The following MACROD2 variants were observed in gnomAD, a reference collection of about 807,000 sequenced individuals.
The protein encoded by MACROD2 is ADP-ribose glycohydrolase MACROD2.
A neutral mutation model predicts 70.4 loss-of-function variants in MACROD2; 36 were observed. The ratio of observed to expected loss-of-function variants is 0.51; its 90% CI spans 0.39 to 0.68. MACROD2 has a LOEUF of 0.68. Among genes scored for constraint, MACROD2 ranks in the 30% least tolerant of loss-of-function variants. The pLI is 0.00. For missense variants in MACROD2, 496 were observed against 538.4 expected, an observed-to-expected ratio of 0.92 and a Z score of 0.78; for synonymous variants, 172 against 178.8, an observed-to-expected ratio of 0.96 and a Z score of 0.30.
At chr20:14,699,278 C>T (rs1197250664) in intron 5 of MACROD2, among the ~76,000 whole-genome samples, 1 of 152,108 alleles carries the variant, frequency 6.6e-6, no homozygotes, top group African/African-American at 2.4e-5. Context: ...TGTGTTATAA[C>T]TGACTTTTCT....
At chr20:14,287,036 C>T (rs1399986301) in intron 3 of MACROD2, among the ~76,000 whole-genome samples, 1 of 152,122 alleles carries the variant, frequency 6.6e-6, no homozygotes, top group Non-Finnish European at 1.5e-5. Context: ...ATCCTGACTG[C>T]ATTGAGTGAT....
intron 5 of MACROD2, among the ~76,000 whole-genome samples, chr20:14,869,289 G>T (rs1401134391): frequency 6.6e-6 from 1 of 152,026 alleles, no homozygotes; most frequent in Non-Finnish European, 1.5e-5. Flanking sequence ...ACATTCTTTT[G>T]TATCCGTTAG....
In MACROD2 at chr20:14,009,606, A is replaced by G. The variant is rs576819574; in HGVS notation, c.163+7202A>G. Among the ~76,000 whole-genome samples the G allele has an allele frequency of 4.6e-5, 7 of 152,344 alleles. No individual in the cohort carries two copies. In the East Asian group the frequency reaches 1.3e-3, roughly 29 times the overall value. On this transcript the variant is annotated intron_variant, in intron 2 of 17. Coordinates refer to ENST00000684519, the MANE Select transcript of MACROD2 (RefSeq NM_001351661.2). The stretch of plus-strand genomic sequence containing the variant: ...AAATACCGTTTGACCCAGCAATCCT[A>G]TTACTGGGTGTATACACCCAAATGA...
intron 3 of MACROD2, among the ~76,000 whole-genome samples, chr20:14,267,065 C>CA (rs1442705969): frequency 6.6e-6 from 1 of 152,042 alleles, no homozygotes; most frequent in Non-Finnish European, 1.5e-5. Flanking sequence ...ATGGTAGTGT[C>CA]AGGTCTTAAT....
At chr20:14,874,289 C>CATTT (rs150117074) in intron 5 of MACROD2, among the ~76,000 whole-genome samples, 6,470 of 131,360 alleles carry the variant, frequency 0.049, 286 homozygotes, top group African/African-American at 0.12. Flanking sequence ...AATGGAGATT[C>CATTT]ATTTATTTAT....
intron 7 of MACROD2, among the ~76,000 whole-genome samples, chr20:15,487,931 T>C (rs1249628599): frequency 6.6e-6 from 1 of 152,184 alleles, no homozygotes; most frequent in Admixed American, 6.5e-5. Context: ...GTGTTCAGCA[T>C]GCCTGCCTCT....
intron 8 of MACROD2, among the ~76,000 whole-genome samples, chr20:15,532,004 G>C (rs951601927): frequency 6.6e-6 from 1 of 152,062 alleles, no homozygotes; most frequent in African/African-American, 2.4e-5. Flanking sequence ...AACATGTATT[G>C]AGTACTGAAT....
intron 6 of MACROD2, among the ~76,000 whole-genome samples, chr20:15,309,054 C>T (rs527985892): frequency 5.0e-4 from 76 of 152,274 alleles, no homozygotes; most frequent in African/African-American, 1.7e-3. Flanking sequence ...CATTAAAACT[C>T]GTCCATATCT....
chr20:15,432,821 TATGGTA>T (rs1483903425), intron 7 of MACROD2, among the ~76,000 whole-genome samples: 3 of 152,056 alleles, frequency 2.0e-5, no homozygotes, highest in African/African-American at 7.2e-5. Flanking sequence ...CTGAGAATCT[TATGGTA>T]ATGTGTTAAG....
At chr20:15,318,726 C>T (rs2077841361) in intron 6 of MACROD2, among the ~76,000 whole-genome samples, 1 of 152,056 alleles carries the variant, frequency 6.6e-6, no homozygotes. Context: ...AAATAATTAT[C>T]TTAACCAGTG....
chr20:15,496,792 G>A (rs1392545437), intron 7 of MACROD2, among the ~76,000 whole-genome samples: 1 of 152,166 alleles, frequency 6.6e-6, no homozygotes, highest in Non-Finnish European at 1.5e-5. Flanking sequence ...ATTCTGTGTT[G>A]GAGAGTCAAC....
At chr20:15,072,124 A>G (rs1024118949) in intron 5 of MACROD2, among the ~76,000 whole-genome samples, 28 of 152,316 alleles carry the variant, frequency 1.8e-4, no homozygotes, top group African/African-American at 6.7e-4. Flanking sequence ...GTCTACATAC[A>G]TGTTAAATGG....
At chr20:15,468,486 T>C (rs915710195) in intron 7 of MACROD2, among the ~76,000 whole-genome samples, 1 of 152,154 alleles carries the variant, frequency 6.6e-6, no homozygotes, top group Non-Finnish European at 1.5e-5. Flanking sequence ...GGATGTATTA[T>C]GGCATTATCT....
rs181464882 is a variant in MACROD2 at position 16,051,672 on chromosome 20, C to T, written c.*1796C>T. 7.9e-5 allele frequency: 12 copies of T among 152,206 alleles called. No homozygotes were observed. Among genetic ancestry groups the T allele is most frequent in the East Asian group, 1.9e-4 (1 of 5,182 alleles). The allele number at this position is 152,206 out of a possible 1,614,324, so 9.4% of individuals were successfully genotyped here. ...GGCTCATTTTAAAGAATCCAAGAAA[C>T]GATGTCATCCAAATATTGACAGTTT... is the stretch of plus-strand genomic sequence containing the variant. On this transcript the variant is annotated 3_prime_UTR_variant, in exon 18 of 18. Transcript: ENST00000684519.
intron 3 of MACROD2, among the ~76,000 whole-genome samples, chr20:14,241,174 G>A (rs1033635918): frequency 1.3e-5 from 2 of 152,106 alleles, no homozygotes; most frequent in South Asian, 2.1e-4. Context: ...ATTTGCTAAC[G>A]CATATTTTTC....
intron 4 of MACROD2, among the ~76,000 whole-genome samples, chr20:14,555,696 T>C (rs903161459): frequency 4.6e-5 from 7 of 152,050 alleles, no homozygotes; most frequent in Admixed American, 2.0e-4. Flanking sequence ...ATATTGGCAC[T>C]AAGGAGAGGC....
At chr20:14,404,311 A>G (rs962297145) in intron 3 of MACROD2, among the ~76,000 whole-genome samples, 1 of 152,200 alleles carries the variant, frequency 6.6e-6, no homozygotes, top group Admixed American at 6.5e-5. Context: ...AAGCACATGT[A>G]TACAAAGCAA....
At chr20:15,883,161 C>T (rs372511719) in intron 9 of MACROD2, among the ~76,000 whole-genome samples, 122 of 152,050 alleles carry the variant, frequency 8.0e-4, no homozygotes, top group African/African-American at 2.7e-3. Flanking sequence ...AGGTGAATAA[C>T]GGAAATATAA....
chr20:15,001,420 G>C (rs995076081), intron 5 of MACROD2, among the ~76,000 whole-genome samples: 1 of 152,210 alleles, frequency 6.6e-6, no homozygotes, highest in Admixed American at 6.5e-5. Context: ...CTTTGGCTAA[G>C]AGGTGTCATC....
Sources: gnomAD v4.1 joint callset for allele counts (sites outside exome capture counted in the v4.1 genomes callset) on GRCh38, gnomAD v4.1.1 for gene constraint, MANE v1.5 for transcripts, NCBI Gene and HGNC (gene_info 2026-07-23, HGNC 2026-07-21) for gene names.